The following IGF2BP3 variants were observed in gnomAD, a reference collection of about 807,000 sequenced individuals.
IGF2BP3 encodes the protein insulin like growth factor 2 mRNA binding protein 3.
Under a neutral mutation model 73.8 loss-of-function variants are expected in IGF2BP3, and 9 were observed. That is an observed-to-expected ratio of 0.12 (90% CI 0.07 to 0.21). IGF2BP3 has a LOEUF of 0.21. Among genes scored for constraint, IGF2BP3 ranks in the 10% least tolerant of loss-of-function variants. IGF2BP3 has a pLI of 1.00. For missense variants in IGF2BP3, 542 were observed against 714.0 expected, an observed-to-expected ratio of 0.76 and a Z score of 2.75; for synonymous variants, 258 against 256.7, an observed-to-expected ratio of 1.01 and a Z score of -0.05.
intron 6 of IGF2BP3, among the ~76,000 whole-genome samples, chr7:23,348,812 G>A (rs1191569155): frequency 2.6e-5 from 4 of 152,176 alleles, no homozygotes; most frequent in African/African-American, 7.2e-5. Flanking sequence ...GGAAAGTTCC[G>A]TTTCTAACAG....
At chr7:23,373,184 C>A (rs1261513324) in intron 3 of IGF2BP3, among the ~76,000 whole-genome samples, 2 of 152,166 alleles carry the variant, frequency 1.3e-5, no homozygotes, top group Non-Finnish European at 2.9e-5. Flanking sequence ...AAATACGATA[C>A]TTCTATACAT....
intron 3 of IGF2BP3, among the ~76,000 whole-genome samples, chr7:23,417,329 C>G (rs1338769874): frequency 6.6e-6 from 1 of 152,148 alleles, no homozygotes; most frequent in Admixed American, 6.6e-5. Context: ...CTTGCGTGCC[C>G]ATATTTGCCC....
chr7:23,400,982 T>C lies in IGF2BP3; in HGVS notation c.285+17794A>G, dbSNP rs144858882. Among the ~76,000 whole-genome samples the C allele has an allele frequency of 2.9e-3, 435 of 152,208 alleles. 1 individual carries two copies. Among genetic ancestry groups the C allele is most frequent in the African/African-American group, 9.8e-3 (407 of 41,536 alleles). On this transcript the variant is annotated intron_variant, in intron 3 of 14. Transcript: ENST00000258729. ...ACAAGGCTAATTTTTGTATTTTTAG[T>C]AGAGACGGGGGTTTCACCATGTTGC...
intron 3 of IGF2BP3, chr7:23,365,987 T>C (rs1442401991): frequency 6.6e-6 from 1 of 152,120 alleles, no homozygotes; most frequent in Non-Finnish European, 1.5e-5. Flanking sequence ...CCACCGATCA[T>C]CAAATATGTT....
At chr7:23,401,748 G>A (rs1210838553) in intron 3 of IGF2BP3, among the ~76,000 whole-genome samples, 3 of 151,160 alleles carry the variant, frequency 2.0e-5, no homozygotes, top group African/African-American at 7.3e-5. Flanking sequence ...CTGGGTTACA[G>A]AACGAGACTC....
intron 2 of IGF2BP3, chr7:23,450,669 C>T (rs1203844271): frequency 6.6e-6 from 1 of 152,164 alleles, no homozygotes; most frequent in African/African-American, 2.4e-5. Context: ...GGTGTTACAG[C>T]TCTTTTAGAA....
At chr7:23,388,031 C>T (rs1276265168) in intron 3 of IGF2BP3, among the ~76,000 whole-genome samples, 3 of 152,048 alleles carry the variant, frequency 2.0e-5, no homozygotes, top group Non-Finnish European at 2.9e-5. Context: ...AGCTCCGCCT[C>T]CCGGGTTCAC....
At chr7:23,456,160 T>C (rs1788311716) in intron 2 of IGF2BP3, among the ~76,000 whole-genome samples, 1 of 152,056 alleles carries the variant, frequency 6.6e-6, no homozygotes, top group African/African-American at 2.4e-5. Flanking sequence ...AACTAAAAAT[T>C]TCAACTTAAC....
At chr7:23,372,114 C>G (rs1331811804) in intron 3 of IGF2BP3, among the ~76,000 whole-genome samples, 1 of 151,566 alleles carries the variant, frequency 6.6e-6, no homozygotes, top group Admixed American at 6.6e-5. Context: ...CACTCTGTCA[C>G]CCAGGCTGGA....
chr7:23,329,686 G>C (rs568182740), intron 10 of IGF2BP3, among the ~76,000 whole-genome samples: 2 of 152,132 alleles, frequency 1.3e-5, no homozygotes, highest in Admixed American at 6.6e-5. Context: ...AAAAATTCAG[G>C]TTGAGGCAAA....
intron 3 of IGF2BP3, among the ~76,000 whole-genome samples, chr7:23,381,180 A>G (rs1465449995): frequency 6.6e-6 from 1 of 152,224 alleles, no homozygotes; most frequent in Non-Finnish European, 1.5e-5. Context: ...ATCAGCCACC[A>G]AACACACTGG....
At chr7:23,456,103 C>T (rs1432788741) in intron 2 of IGF2BP3, among the ~76,000 whole-genome samples, 1 of 151,860 alleles carries the variant, frequency 6.6e-6, no homozygotes, top group Non-Finnish European at 1.5e-5. Flanking sequence ...ATTTCAGAAA[C>T]TCAAAAAAAT....
intron 3 of IGF2BP3, chr7:23,416,049 C>G (rs1268913805): frequency 6.6e-6 from 1 of 152,164 alleles, no homozygotes; most frequent in South Asian, 2.1e-4. Context: ...ATTTAATGCT[C>G]AAAGCAACCC....
intron 14 of IGF2BP3, 53 bp from the exon 15 acceptor site, chr7:23,312,513 T>TA (rs1416077435): frequency 1.7e-5 from 21 of 1,228,798 alleles, no homozygotes; most frequent in Non-Finnish European, 2.3e-5. Context: ...TACTAAAAGT[T>TA]ATTGTACTCC....
At chr7:23,382,561 C>G (rs1041504315) in intron 3 of IGF2BP3, among the ~76,000 whole-genome samples, 21 of 152,100 alleles carry the variant, frequency 1.4e-4, no homozygotes, top group African/African-American at 4.8e-4. Context: ...CAGCTAAATA[C>G]AAATTCACTT....
intron 2 of IGF2BP3, among the ~76,000 whole-genome samples, chr7:23,437,608 G>C (rs1787836108): frequency 1.3e-5 from 2 of 152,094 alleles, no homozygotes; most frequent in South Asian, 4.1e-4. Context: ...AATTCTGATA[G>C]AAGCAAAAAA....
intron 3 of IGF2BP3, among the ~76,000 whole-genome samples, chr7:23,374,389 G>T (rs1321623146): frequency 6.6e-6 from 1 of 152,158 alleles, no homozygotes; most frequent in Non-Finnish European, 1.5e-5. Flanking sequence ...TAGAGGCTGG[G>T]CATGGTGGCT....
At chr7:23,343,650 A>T in intron 9 of IGF2BP3, 68 bp downstream of exon 9, 1 of 1,406,430 alleles carries the variant, frequency 7.1e-7, no homozygotes, top group Non-Finnish European at 1.0e-6. Context: ...ATTCAATATT[A>T]ATGCAGTTAA....
chr7:23,399,790 T>C (rs566415735), intron 3 of IGF2BP3, among the ~76,000 whole-genome samples: 2 of 152,300 alleles, frequency 1.3e-5, no homozygotes, highest in East Asian at 3.9e-4. Context: ...AAAAGCAGAA[T>C]GTTGACTATC....
Sources: gnomAD v4.1 joint callset for allele counts (sites outside exome capture counted in the v4.1 genomes callset) on GRCh38, gnomAD v4.1.1 for gene constraint, MANE v1.5 for transcripts, NCBI Gene and HGNC (gene_info 2026-07-23, HGNC 2026-07-21) for gene names.